Variants in TNIK observed in about 807,000 individuals in gnomAD.
TNIK encodes TRAF2 and NCK interacting kinase.
A neutral mutation model predicts 191.3 loss-of-function variants in TNIK; 49 were observed. The observed-to-expected ratio is 0.26, with a 90% confidence interval of 0.20 to 0.32. TNIK has a LOEUF of 0.32. Among genes scored for constraint, TNIK ranks in the 10% least tolerant of loss-of-function variants. The probability of loss-of-function intolerance (pLI) is 1.00; values close to 1 mark genes in which losing one functional copy is unlikely to be tolerated. For missense variants in TNIK, 1,155 were observed against 1,702.3 expected (o/e 0.68, Z 5.66); for synonymous variants, 594 against 600.9 (o/e 0.99, Z 0.17).
intron 1 of TNIK, among the ~76,000 whole-genome samples, chr3:171,423,056 T>C (rs951077897): frequency 2.0e-5 from 3 of 152,214 alleles, no homozygotes; most frequent in Non-Finnish European, 2.9e-5. Context: ...TGTGTCAACA[T>C]GTGCATAGGT....
chr3:171,360,737 C>G (rs1046992940), intron 2 of TNIK, among the ~76,000 whole-genome samples: 1 of 152,186 alleles, frequency 6.6e-6, no homozygotes, highest in Admixed American at 6.5e-5. Context: ...TACTTAATTC[C>G]CCTTCCACAT....
intron 2 of TNIK, among the ~76,000 whole-genome samples, chr3:171,250,459 C>T (rs577418365): frequency 1.9e-4 from 29 of 152,290 alleles, no homozygotes; most frequent in African/African-American, 4.6e-4. Flanking sequence ...TTAAAAATTT[C>T]GTGTCCAAAC....
chr3:171,091,664 G>A (rs769587769), intron 23 of TNIK, among the ~76,000 whole-genome samples: 49 of 152,106 alleles, frequency 3.2e-4, no homozygotes, highest in Non-Finnish European at 6.3e-4. Context: ...GAACCCAGGA[G>A]GTGGAGGTTG....
intron 18 of TNIK, among the ~76,000 whole-genome samples, chr3:171,120,969 C>T (rs1256485878): frequency 6.6e-6 from 1 of 152,136 alleles, no homozygotes; most frequent in Non-Finnish European, 1.5e-5. Flanking sequence ...CCCAGGGCCA[C>T]ATGCAGCTTC....
chr3:171,342,075 A>C (rs186916640), intron 2 of TNIK, among the ~76,000 whole-genome samples: 1 of 152,338 alleles, frequency 6.6e-6, no homozygotes, highest in Non-Finnish European at 1.5e-5. Flanking sequence ...TAACCAAAAG[A>C]TCCATTGAGT....
chr3:171,304,326 G>C (rs1238827857), intron 2 of TNIK, among the ~76,000 whole-genome samples: 2 of 152,268 alleles, frequency 1.3e-5, no homozygotes, highest in South Asian at 2.1e-4. Flanking sequence ...TCTCACACCA[G>C]TTAGAATGGC....
At chr3:171,298,880 T>G (rs1428090450) in intron 2 of TNIK, among the ~76,000 whole-genome samples, 1 of 152,234 alleles carries the variant, frequency 6.6e-6, no homozygotes, top group Non-Finnish European at 1.5e-5. Flanking sequence ...GCTTCATTTC[T>G]GCAAACTTCT....
chr3:171,300,136 AAT>A (rs1752724375), intron 2 of TNIK, among the ~76,000 whole-genome samples: 1 of 152,236 alleles, frequency 6.6e-6, no homozygotes, highest in South Asian at 2.1e-4. Context: ...TAAGACGGGT[AAT>A]GTTTCTGACT....
At chr3:171,363,960 T>A (rs1460199139) in intron 2 of TNIK, among the ~76,000 whole-genome samples, 1 of 152,224 alleles carries the variant, frequency 6.6e-6, no homozygotes, top group Admixed American at 6.5e-5. Context: ...TCAGTTTATG[T>A]AAGTTTGAGT....
At chr3:171,331,215 C>T (rs1009318256) in intron 2 of TNIK, among the ~76,000 whole-genome samples, 2 of 152,122 alleles carry the variant, frequency 1.3e-5, no homozygotes, top group Non-Finnish European at 2.9e-5. Flanking sequence ...TGACAGTGCG[C>T]TACTCCATAA....
Position 171,311,028 on chromosome 3 carries a change from C to T in TNIK, c.123+58592G>A, listed in dbSNP as rs574051787. The stretch of plus-strand genomic sequence containing the variant: ...AGTGGCCCCTGAATCTCAATCTCCA[C>T]TCACCGCTCCTACTCATTAAAATTC... On this transcript the variant is annotated intron_variant, in intron 2 of 32. Transcript: ENST00000436636. Among the ~76,000 whole-genome samples the T allele has an allele frequency of 2.0e-5, 3 of 152,228 alleles. No homozygotes were observed. In the South Asian group the frequency reaches 6.2e-4, roughly 32 times the overall value.
At chr3:171,383,110 C>T (rs1468312800) in intron 1 of TNIK, among the ~76,000 whole-genome samples, 1 of 152,220 alleles carries the variant, frequency 6.6e-6, no homozygotes, top group Non-Finnish European at 1.5e-5. Context: ...AACATACATT[C>T]TCCTCACTGT....
intron 1 of TNIK, among the ~76,000 whole-genome samples, chr3:171,388,446 G>T (rs951004886): frequency 6.6e-6 from 1 of 152,198 alleles, no homozygotes; most frequent in African/African-American, 2.4e-5. Context: ...AAAGAGCACT[G>T]GTCATTGTAG....
At chr3:171,135,291 T>C (rs1729828145) in intron 15 of TNIK, among the ~76,000 whole-genome samples, 1 of 152,214 alleles carries the variant, frequency 6.6e-6, no homozygotes, top group Non-Finnish European at 1.5e-5. Context: ...AAAAAGTTCA[T>C]ACACTGCTGA....
intron 2 of TNIK, among the ~76,000 whole-genome samples, chr3:171,241,964 A>G (rs951357637): frequency 4.0e-5 from 6 of 149,954 alleles, no homozygotes; most frequent in African/African-American, 7.3e-5. Context: ...GAATTGAACA[A>G]TGAGAACACT....
rs573289954 is a variant in TNIK at position 171,186,032 on chromosome 3, C to G, written c.639+2670G>C. 2.1e-3 allele frequency among the ~76,000 whole-genome samples: 325 copies of G among 152,304 alleles called. 4 individuals are homozygous for G. The highest frequency in any genetic ancestry group is 3.6e-3 in the Non-Finnish European group (243 of 68,022). ...GGACCACCAAACACACAGTGAAATC[C>G]TCGGGCTTTGATGGGGTCTCAAATG... is the stretch of plus-strand genomic sequence containing the variant. On this transcript the variant is annotated intron_variant, in intron 7 of 32. Transcript: ENST00000436636.
At chr3:171,169,151 A>C (rs6804731) in intron 9 of TNIK, among the ~76,000 whole-genome samples, 1 of 152,250 alleles carries the variant, frequency 6.6e-6, no homozygotes, top group African/African-American at 2.4e-5. Flanking sequence ...TAGAAAAATC[A>C]GTATTAAAAA....
chr3:171,268,227 C>A (rs1012484219), intron 2 of TNIK, among the ~76,000 whole-genome samples: 2 of 152,100 alleles, frequency 1.3e-5, no homozygotes, highest in Non-Finnish European at 2.9e-5. Context: ...TTTGGACTTC[C>A]GTGTGTGTCT....
At chr3:171,234,351 G>A (rs753722133) in intron 2 of TNIK, among the ~76,000 whole-genome samples, 74 of 152,310 alleles carry the variant, frequency 4.9e-4, no homozygotes, top group Non-Finnish European at 7.6e-4. Flanking sequence ...ATTCGTTGGT[G>A]GCTTAAAAAC....
Sources: gnomAD v4.1 joint callset for allele counts (sites outside exome capture counted in the v4.1 genomes callset) on GRCh38, gnomAD v4.1.1 for gene constraint, MANE v1.5 for transcripts, NCBI Gene and HGNC (gene_info 2026-07-23, HGNC 2026-07-21) for gene names.